Variants in DLG2 observed in about 807,000 individuals in gnomAD.
DLG2 encodes the protein disks large homolog 2.
Under a neutral mutation model 132.5 loss-of-function variants are expected in DLG2, and 45 were observed. The observed-to-expected ratio is 0.34, with a 90% CI of 0.27 to 0.44. The LOEUF (loss-of-function observed/expected upper bound fraction) is 0.44, where lower values mean the gene tolerates loss of function less well. Ranked by LOEUF, DLG2 falls within the 20% of genes least tolerant of loss-of-function variation. DLG2 has a pLI of 1.00. For synonymous variants in DLG2, 424 were observed against 419.6 expected, an observed-to-expected ratio of 1.01 and a Z score of -0.13; for missense variants, 1,045 against 1,196.9, an observed-to-expected ratio of 0.87 and a Z score of 1.87.
intron 3 of DLG2, among the ~76,000 whole-genome samples, chr11:85,357,723 TATATATATATATATATATATATA>T: frequency 5.2e-4 from 1 of 1,934 alleles, no homozygotes; most frequent in Non-Finnish European, 1.5e-3. Flanking sequence ...TATATATATA[TATATATATATATATATATATATA>T]TATATATATA....
intron 6 of DLG2, among the ~76,000 whole-genome samples, chr11:84,938,722 A>C (rs566506096): frequency 2.0e-5 from 3 of 152,324 alleles, no homozygotes; most frequent in East Asian, 3.9e-4. Context: ...TACCTTCCCC[A>C]AAGCCAGCAA....
chr11:85,192,588 G>A (rs1445361559), intron 4 of DLG2, among the ~76,000 whole-genome samples: 1 of 152,138 alleles, frequency 6.6e-6, no homozygotes, highest in Non-Finnish European at 1.5e-5. Context: ...AAAAGTGCTA[G>A]GAAACATGAT....
intron 7 of DLG2, among the ~76,000 whole-genome samples, chr11:84,530,344 G>A (rs1326989599): frequency 6.6e-6 from 1 of 152,088 alleles, no homozygotes; most frequent in East Asian, 1.9e-4. Flanking sequence ...ACTATCAACA[G>A]AGTAAATAGA....
chr11:85,258,041 C>G (rs184739780), intron 4 of DLG2, among the ~76,000 whole-genome samples: 2 of 152,258 alleles, frequency 1.3e-5, no homozygotes, highest in Admixed American at 1.3e-4. Flanking sequence ...CTGTGGTTGT[C>G]TTACAGACCA....
chr11:84,633,271 A>G (rs530488765), intron 6 of DLG2, among the ~76,000 whole-genome samples: 344 of 152,236 alleles, frequency 2.3e-3, no homozygotes, highest in African/African-American at 7.6e-3. Flanking sequence ...ACCTTTCCCA[A>G]CAAAATCTGA....
chr11:84,300,567 TTTCC>T lies in DLG2; in HGVS notation c.520-49280_520-49277del, dbSNP rs753607082. 5.9e-5 allele frequency among the ~76,000 whole-genome samples: 9 copies of T among 152,232 alleles called. No homozygotes were observed. The East Asian group carries it at 9.6e-4, about 16-fold the overall frequency. On this transcript the variant is annotated intron_variant, in intron 7 of 27. Transcript: ENST00000376104. ...ATTTATTTCCTTAATTCCTTCCTAC[TTTCC>T]TTCCTTCCTTCCTTCATTCCTTCCT... is the stretch of plus-strand genomic sequence containing the variant.
At chr11:84,159,767 T>C (rs1407253122) in intron 9 of DLG2, among the ~76,000 whole-genome samples, 2 of 152,042 alleles carry the variant, frequency 1.3e-5, no homozygotes, top group East Asian at 3.9e-4. Flanking sequence ...GCTATTATGG[T>C]TGTTGAGGCA....
chr11:84,196,737 G>C (rs952363038), intron 8 of DLG2, among the ~76,000 whole-genome samples: 1 of 152,060 alleles, frequency 6.6e-6, no homozygotes, highest in African/African-American at 2.4e-5. Context: ...AAAGAAACAA[G>C]GTTAGAAATT....
intron 5 of DLG2, among the ~76,000 whole-genome samples, chr11:85,154,135 GAAAA>G (rs34094958): frequency 5.2e-3 from 297 of 57,642 alleles, no homozygotes; most frequent in African/African-American, 0.018. Flanking sequence ...TTCTTTTGGA[GAAAA>G]AAAAAAAAAA....
chr11:85,293,257 C>T (rs182533802), intron 3 of DLG2, among the ~76,000 whole-genome samples: 4 of 152,144 alleles, frequency 2.6e-5, no homozygotes, highest in African/African-American at 7.2e-5. Flanking sequence ...CTTATAGTAT[C>T]TCCCCACCAA....
intron 3 of DLG2, among the ~76,000 whole-genome samples, chr11:85,583,120 GTGTGTGTGTGTATATATATATA>G (rs1347142321): frequency 1.6e-3 from 91 of 57,834 alleles, no homozygotes; most frequent in East Asian, 4.6e-3. Context: ...GTGTGTGTGT[GTGTGTGTGTGTATATATATATA>G]TATATATATA....
At chr11:84,311,279 G>A (rs975017334) in intron 7 of DLG2, among the ~76,000 whole-genome samples, 3 of 151,974 alleles carry the variant, frequency 2.0e-5, no homozygotes, top group African/African-American at 7.3e-5. Context: ...AGTTCTTCAG[G>A]ATAAAAAACA....
chr11:83,644,916 AACAAAGATATT>A (rs1459915285), intron 18 of DLG2, among the ~76,000 whole-genome samples: 1 of 152,114 alleles, frequency 6.6e-6, no homozygotes, highest in Non-Finnish European at 1.5e-5. Context: ...TGACCTCTAA[AACAAAGATATT>A]ACAAAGCCAT....
chr11:85,178,908 T>C (rs2079508498), intron 4 of DLG2, among the ~76,000 whole-genome samples: 1 of 151,662 alleles, frequency 6.6e-6, no homozygotes, highest in African/African-American at 2.4e-5. Context: ...CAGAGTATCA[T>C]GAAAGGAGGA....
rs148100660 is a variant in DLG2 at position 85,376,786 on chromosome 11, A to C, written c.41-91421T>G. Among the ~76,000 whole-genome samples the C allele has an allele frequency of 2.9e-3, 441 of 152,326 alleles. 1 individual carries two copies. The highest frequency in any genetic ancestry group is 0.01 in the African/African-American group (427 of 41,578). The stretch of plus-strand genomic sequence containing the variant: ...GGTGAAAACCAACTTCATCATGATA[A>C]GTAAACAGACTGTGGTATGATAGTG... On this transcript the variant is annotated intron_variant, in intron 3 of 27. Coordinates refer to ENST00000376104, the MANE Select transcript of DLG2 (RefSeq NM_001142699.3).
intron 3 of DLG2, among the ~76,000 whole-genome samples, chr11:85,561,449 C>A (rs1227584337): frequency 6.7e-6 from 1 of 149,262 alleles, no homozygotes; most frequent in African/African-American, 2.5e-5. Context: ...GCACTTCCTA[C>A]CAGTATTACA....
At chr11:85,065,996 C>T (rs752599238) in intron 6 of DLG2, among the ~76,000 whole-genome samples, 21 of 151,308 alleles carry the variant, frequency 1.4e-4, no homozygotes, top group Admixed American at 2.6e-4. Flanking sequence ...ATAATAAATG[C>T]AATACAACTT....
At chr11:84,198,860 A>C (rs976976062) in intron 8 of DLG2, among the ~76,000 whole-genome samples, 1 of 152,192 alleles carries the variant, frequency 6.6e-6, no homozygotes, top group Non-Finnish European at 1.5e-5. Flanking sequence ...ATTTTGTAGG[A>C]CTACTGATAT....
intron 6 of DLG2, among the ~76,000 whole-genome samples, chr11:84,728,020 A>C (rs992753925): frequency 1.6e-4 from 25 of 152,160 alleles, no homozygotes; most frequent in African/African-American, 5.6e-4. Flanking sequence ...TTCTAAATAT[A>C]CAATCATGTA....
Sources: gnomAD v4.1 joint callset for allele counts (sites outside exome capture counted in the v4.1 genomes callset) on GRCh38, gnomAD v4.1.1 for gene constraint, MANE v1.5 for transcripts, NCBI Gene and HGNC (gene_info 2026-07-23, HGNC 2026-07-21) for gene names.